PKHD1: variants seen among roughly 807,000 people sequenced by gnomAD.
PKHD1 encodes the protein PKHD1 ciliary IPT domain containing fibrocystin/polyductin, also known as fibrocystin.
PKHD1 carries 291 observed loss-of-function variants against 412.0 expected under a neutral mutation model. The ratio of observed to expected loss-of-function variants is 0.71; its 90% CI spans 0.64 to 0.78. The LOEUF is 0.78. Ranked by LOEUF, PKHD1 falls within the 30% of genes least tolerant of loss-of-function variation. The pLI is 0.00. For missense variants in PKHD1, 4,825 were observed against 4,950.7 expected (o/e 0.97, Z 0.76); for synonymous variants, 1,777 against 1,821.5 (o/e 0.98, Z 0.62).
At chr6:52,040,999 T>A (rs1804782993) in intron 27 of PKHD1, among the ~76,000 whole-genome samples, 1 of 152,228 alleles carries the variant, frequency 6.6e-6, no homozygotes, top group Admixed American at 6.5e-5. Flanking sequence ...GAAGAGGTGA[T>A]GATATCTTGC....
At chr6:52,058,224 T>C (rs189879638) in intron 16 of PKHD1, 99 bp downstream of exon 16, 108 of 1,102,030 alleles carry the variant, frequency 9.8e-5, no homozygotes, top group Non-Finnish European at 9.8e-6. Context: ...AAGGTTATAA[T>C]GACCCCTCAG....
chr6:51,975,272 C>CA (rs1794222823), intron 35 of PKHD1, among the ~76,000 whole-genome samples: 1 of 151,532 alleles, frequency 6.6e-6, no homozygotes, highest in African/African-American at 2.4e-5. Context: ...AAAAGCAGTA[C>CA]AAAAAATAAA....
chr6:51,645,540 A>G lies in PKHD1; in HGVS notation c.11398+2491T>C, dbSNP rs151184445. On this transcript the variant is annotated intron_variant, in intron 63 of 66. Coordinates refer to ENST00000371117, the MANE Select transcript of PKHD1 (RefSeq NM_138694.4). ...CCCAAGTAGCTGGGATTACAGGCGCATGCCCACCATGCCCGGCTAATTTTT... is the reference window on the plus strand; with the variant it reads ...CCCAAGTAGCTGGGATTACAGGCGCGTGCCCACCATGCCCGGCTAATTTTT... 3.5e-3 allele frequency among the ~76,000 whole-genome samples: 533 copies of G among 152,136 alleles called. 2 individuals carry two copies. The highest frequency in any genetic ancestry group is 0.015 in the South Asian group (72 of 4,820).
chr6:51,769,821 C>A (rs1009451994), intron 55 of PKHD1, among the ~76,000 whole-genome samples: 3 of 151,316 alleles, frequency 2.0e-5, no homozygotes, highest in Non-Finnish European at 4.4e-5. Flanking sequence ...TATAATATCT[C>A]GTACGCTATA....
At chr6:52,048,038 A>G (rs1806135734) in intron 23 of PKHD1, among the ~76,000 whole-genome samples, 1 of 152,240 alleles carries the variant, frequency 6.6e-6, no homozygotes, top group African/African-American at 2.4e-5. Context: ...ACGTGACCAC[A>G]GAGGCGGTGG....
At chr6:52,012,910 A>C (rs962226749) in intron 34 of PKHD1, among the ~76,000 whole-genome samples, 16 of 152,212 alleles carry the variant, frequency 1.1e-4, no homozygotes, top group African/African-American at 3.9e-4. Context: ...TCTGATGAAT[A>C]GTTCATTCTA....
intron 50 of PKHD1, among the ~76,000 whole-genome samples, chr6:51,838,349 A>G (rs1275470677): frequency 6.6e-6 from 1 of 152,154 alleles, no homozygotes; most frequent in Non-Finnish European, 1.5e-5. Flanking sequence ...TTAATCTTGT[A>G]TCTGTAGCTC....
chr6:52,009,179 C>T (rs1282720064), intron 35 of PKHD1, among the ~76,000 whole-genome samples: 4 of 151,980 alleles, frequency 2.6e-5, no homozygotes, highest in Non-Finnish European at 4.4e-5. Flanking sequence ...CACGATGAAG[C>T]GAGAAGTGAC....
chr6:51,956,359 A>T (rs1392322604), intron 36 of PKHD1, among the ~76,000 whole-genome samples: 1 of 151,866 alleles, frequency 6.6e-6, no homozygotes, highest in Non-Finnish European at 1.5e-5. Flanking sequence ...AAGGACAGTG[A>T]AAGTAAATTA....
intron 48 of PKHD1, among the ~76,000 whole-genome samples, chr6:51,859,269 G>A (rs1035868179): frequency 3.3e-5 from 5 of 152,082 alleles, no homozygotes; most frequent in Admixed American, 3.3e-4. Context: ...GCTTATGCCT[G>A]TAATCCCAGC....
intron 52 of PKHD1, 139 bp downstream of exon 52, chr6:51,830,722 A>C (rs1768092670): frequency 1.2e-5 from 10 of 804,434 alleles, no homozygotes; most frequent in Non-Finnish European, 2.1e-5. Flanking sequence ...TAACCCCCCC[A>C]AAAAGAGGAA....
At chr6:51,948,786 G>A (rs1789863223) in intron 36 of PKHD1, among the ~76,000 whole-genome samples, 1 of 152,170 alleles carries the variant, frequency 6.6e-6, no homozygotes, top group Non-Finnish European at 1.5e-5. Context: ...ACATTTAAAG[G>A]CTAGAATAAG....
chr6:51,805,109 C>T (rs1017510479), intron 52 of PKHD1, among the ~76,000 whole-genome samples: 8 of 152,114 alleles, frequency 5.3e-5, no homozygotes, highest in Admixed American at 2.0e-4. Flanking sequence ...CTCTCAGTAG[C>T]AAAGACATGG....
Position 51,950,220 on chromosome 6 carries a change from A to AAAAAAAAAATATATATATATAT in PKHD1, c.5908+9649_5908+9650insATATATATATATATTTTTTTTT. 1.0e-4 allele frequency among the ~76,000 whole-genome samples: 10 copies of AAAAAAAAAATATATATATATAT among 98,298 alleles called. No individual in the cohort carries two copies. In the East Asian group the frequency reaches 1.6e-3, roughly 16 times the overall value. 64.5% of individuals were successfully genotyped at this position (98,298 alleles called of 152,430 possible). On this transcript the variant is annotated intron_variant, in intron 36 of 66. Transcript: ENST00000371117. ...AATGGGCAATATAGAGAAAAAAAAA[A>AAAAAAAAAATATATATATATAT]ATATATATATATATATATATGAAAT...
chr6:52,062,040 G>A (rs1029182168), intron 14 of PKHD1, among the ~76,000 whole-genome samples: 4 of 152,156 alleles, frequency 2.6e-5, no homozygotes, highest in Non-Finnish European at 5.9e-5. Context: ...CACAGAACCC[G>A]CAAGAGCTTC....
intron 2 of PKHD1, 92 bp downstream of exon 2, chr6:52,084,790 C>A (rs1294856245): frequency 2.3e-6 from 2 of 884,244 alleles, no homozygotes; most frequent in Admixed American, 3.4e-5. Context: ...TTATGGTATA[C>A]AACCAAAATA....
At chr6:51,832,021 CA>C (rs2151518609) in intron 51 of PKHD1, among the ~76,000 whole-genome samples, 1 of 152,158 alleles carries the variant, frequency 6.6e-6, no homozygotes, top group African/African-American at 2.4e-5. Flanking sequence ...GGGAGGGAAT[CA>C]TGTCCATGAT....
At chr6:51,817,032 C>T (rs1395050946) in intron 52 of PKHD1, among the ~76,000 whole-genome samples, 2 of 152,066 alleles carry the variant, frequency 1.3e-5, no homozygotes, top group African/African-American at 2.4e-5. Context: ...GGGATAGATA[C>T]AGGACGTTTT....
rs745388926 is a variant in PKHD1, at chr6:51,934,273, G to A, written c.5958C>T (p.His1986=). 56 of 1,613,518 alleles carry A rather than the reference G, an allele frequency of 3.5e-5. No individual in the cohort carries two copies. Among genetic ancestry groups the A allele is most frequent in the Non-Finnish European group, 4.2e-5 (49 of 1,179,946 alleles). ...CTCCACCATCAGAAACAAGGATGGC[G>A]TGTGCCCTGAGCTCGATGGGTCCTG... The part of the protein sequence containing the change: ...MAPGPIELRA[H]AILVSDGGEL... The change falls in exon 37 of 67, where the codon CAC becomes CAT. Residue 1986 remains histidine, a synonymous_variant. Transcript: ENST00000371117.
Sources: gnomAD v4.1 joint callset for allele counts (sites outside exome capture counted in the v4.1 genomes callset) on GRCh38, gnomAD v4.1.1 for gene constraint, MANE v1.5 for transcripts, NCBI Gene and HGNC (gene_info 2026-07-23, HGNC 2026-07-21) for gene names.